SDK1: variants seen among roughly 807,000 people sequenced by gnomAD.
The protein encoded by SDK1 is sidekick cell adhesion molecule 1, also known as protein sidekick-1.
In SDK1, 157 loss-of-function variants were observed where a neutral mutation model predicts 245.5. The observed-to-expected ratio is 0.64, with a 90% CI of 0.56 to 0.73. The LOEUF is 0.73. SDK1 is among the 30% of genes least tolerant of loss of function. SDK1 has a pLI of 0.00. For synonymous variants in SDK1, 1,647 were observed against 1,278.5 expected, an observed-to-expected ratio of 1.29 and a Z score of -6.15; for missense variants, 3,583 against 3,002.3, an observed-to-expected ratio of 1.19 and a Z score of -4.52.
At chr7:3,992,919 T>C (rs1192309496) in intron 14 of SDK1, among the ~76,000 whole-genome samples, 1 of 152,222 alleles carries the variant, frequency 6.6e-6, no homozygotes, top group Admixed American at 6.5e-5. Flanking sequence ...AATATGGCTA[T>C]TGCTCTGCAG....
At chr7:4,037,075 G>A (rs1788275995) in intron 17 of SDK1, among the ~76,000 whole-genome samples, 1 of 152,158 alleles carries the variant, frequency 6.6e-6, no homozygotes, top group African/African-American at 2.4e-5. Flanking sequence ...TGATGATAAC[G>A]ATGCATTGTT....
chr7:3,662,467 G>T (rs1175338500), intron 4 of SDK1, among the ~76,000 whole-genome samples: 2 of 152,144 alleles, frequency 1.3e-5, no homozygotes, highest in Non-Finnish European at 2.9e-5. Context: ...AACTCTCCTA[G>T]ATTCTGTTTG....
intron 22 of SDK1, among the ~76,000 whole-genome samples, chr7:4,093,846 C>T (rs762151007): frequency 2.6e-5 from 4 of 152,166 alleles, no homozygotes; most frequent in African/African-American, 7.2e-5. Flanking sequence ...CACTCACCTG[C>T]GAGGACACCT....
chr7:3,709,073 A>G (rs1469035509), intron 4 of SDK1, among the ~76,000 whole-genome samples: 2 of 152,238 alleles, frequency 1.3e-5, no homozygotes, highest in Admixed American at 6.5e-5. Context: ...ATTATGGTGC[A>G]TAACAACCTT....
chr7:3,837,618 T>C (rs1780055843), intron 5 of SDK1, among the ~76,000 whole-genome samples: 1 of 152,240 alleles, frequency 6.6e-6, no homozygotes, highest in African/African-American at 2.4e-5. Context: ...AATCTTGGCC[T>C]GTTGCTTCTA....
chr7:3,763,274 G>A (rs993781626), intron 4 of SDK1, among the ~76,000 whole-genome samples: 1 of 151,740 alleles, frequency 6.6e-6, no homozygotes, highest in Non-Finnish European at 1.5e-5. Context: ...TTAAAATCAA[G>A]GCATAACTTA....
chr7:3,948,636 C>T (rs1048608294), intron 5 of SDK1, among the ~76,000 whole-genome samples: 44 of 152,290 alleles, frequency 2.9e-4, no homozygotes, highest in African/African-American at 9.9e-4. Flanking sequence ...AGCTGAACCC[C>T]GTGATGGATG....
Position 3,723,923 on chromosome 7 carries a change from CGT to C in SDK1, c.713+81819_713+81820del, listed in dbSNP as rs1491358134. On this transcript the variant is annotated intron_variant, in intron 4 of 44. Transcript: ENST00000404826. ...ATATACACGTACATATATATATACA[CGT>C]ATATATATATATATATATAGAGAGA... Among the ~76,000 whole-genome samples the C allele has an allele frequency of 1.1e-3, 121 of 109,268 alleles. 5 individuals carry two copies. Among genetic ancestry groups the C allele is most frequent in the African/African-American group, 4.9e-3 (115 of 23,464 alleles). 71.7% of individuals were successfully genotyped at this position (109,268 alleles called of 152,430 possible).
chr7:3,464,974 G>GTGC (rs1452186298), intron 1 of SDK1, among the ~76,000 whole-genome samples: 1 of 151,892 alleles, frequency 6.6e-6, no homozygotes, highest in African/African-American at 2.4e-5. Context: ...AATGTACTTC[G>GTGC]TGCTGCTAAG....
chr7:3,517,909 C>CT (rs1782803699), intron 1 of SDK1, among the ~76,000 whole-genome samples: 1 of 152,078 alleles, frequency 6.6e-6, no homozygotes, highest in African/African-American at 2.4e-5. Flanking sequence ...TTCTCAGTGA[C>CT]TAAGTCTTTT....
At chr7:4,262,366 G>A (rs1009422521) in intron 44 of SDK1, among the ~76,000 whole-genome samples, 3 of 151,204 alleles carry the variant, frequency 2.0e-5, no homozygotes, top group Non-Finnish European at 4.4e-5. Context: ...ACATCAAACC[G>A]AAAGACCATA....
Position 3,301,681 on chromosome 7 carries a change from C to T in SDK1, c.95C>T (p.Pro32Leu), listed in dbSNP as rs1235942004. The T allele has an allele frequency of 4.1e-6, 4 of 973,828 alleles. No individual in the cohort carries two copies. In the African/African-American group the frequency reaches 5.4e-5, roughly 13 times the overall value. 60.3% of individuals were successfully genotyped at this position (973,828 alleles called of 1,614,324 possible). ...GGCCCCGGGCGGCCGCGGGGATCCCCGCCCGGCCGCGCCCGCCCCTCGCTG... is the reference window on the plus strand; with the variant it reads ...GGCCCCGGGCGGCCGCGGGGATCCCTGCCCGGCCGCGCCCGCCCCTCGCTG... ...RAGPGRPRGS[P>L]PGRARPSLAP... is the part of the protein sequence containing the mutation. Residue 32 changes from proline to leucine, a missense_variant, in exon 1 of 45, where the codon CCG (proline) becomes CTG (leucine). Transcript: ENST00000404826.
At chr7:3,880,825 G>A (rs1781191753) in intron 5 of SDK1, among the ~76,000 whole-genome samples, 1 of 152,116 alleles carries the variant, frequency 6.6e-6, no homozygotes, top group Non-Finnish European at 1.5e-5. Flanking sequence ...GTTATGAACT[G>A]TGATCTGACA....
chr7:4,210,415 C>T (rs1784452597), intron 38 of SDK1, among the ~76,000 whole-genome samples: 1 of 152,216 alleles, frequency 6.6e-6, no homozygotes, highest in African/African-American at 2.4e-5. Flanking sequence ...GAACGGCACT[C>T]TCCCTCTGAA....
chr7:4,147,537 G>C (rs1416799479), intron 29 of SDK1, among the ~76,000 whole-genome samples: 4 of 152,162 alleles, frequency 2.6e-5, no homozygotes, highest in Non-Finnish European at 5.9e-5. Context: ...CAAAGCTCTG[G>C]GATTGCAGGT....
At chr7:3,449,346 G>C (rs538027283) in intron 1 of SDK1, among the ~76,000 whole-genome samples, 1 of 151,160 alleles carries the variant, frequency 6.6e-6, no homozygotes, top group Non-Finnish European at 1.5e-5. Flanking sequence ...ATGTCCTCAG[G>C]CTTGGTGGTA....
chr7:3,892,131 C>A (rs775220362), intron 5 of SDK1, among the ~76,000 whole-genome samples: 2 of 152,174 alleles, frequency 1.3e-5, no homozygotes, highest in African/African-American at 4.8e-5. Context: ...AGCTTGCCAT[C>A]ACCTAAACCC....
intron 4 of SDK1, among the ~76,000 whole-genome samples, chr7:3,797,478 C>G (rs1346454682): frequency 1.3e-5 from 2 of 151,866 alleles, no homozygotes; most frequent in African/African-American, 2.4e-5. Flanking sequence ...CACACACACA[C>G]ACACACACAC....
At chr7:3,650,154 G>A (rs958036572) in intron 4 of SDK1, among the ~76,000 whole-genome samples, 8 of 152,234 alleles carry the variant, frequency 5.3e-5, no homozygotes, top group African/African-American at 7.2e-5. Flanking sequence ...GGCTCAAGCC[G>A]TCCTCCTGCT....
Sources: gnomAD v4.1 joint callset for allele counts (sites outside exome capture counted in the v4.1 genomes callset) on GRCh38, gnomAD v4.1.1 for gene constraint, MANE v1.5 for transcripts, NCBI Gene and HGNC (gene_info 2026-07-23, HGNC 2026-07-21) for gene names.